SPON1: variants seen among roughly 807,000 people sequenced by gnomAD.
SPON1 encodes spondin-1.
A neutral mutation model predicts 111.7 loss-of-function variants in SPON1; 52 were observed. That is an observed-to-expected ratio of 0.47 (90% CI 0.37 to 0.59). The LOEUF (loss-of-function observed/expected upper bound fraction) is 0.59. Among genes scored for constraint, SPON1 ranks in the 20% least tolerant of loss-of-function variants. The pLI is 0.00. For missense variants in SPON1, 957 were observed against 1,068.5 expected, an observed-to-expected ratio of 0.90 and a Z score of 1.46; for synonymous variants, 410 against 395.8, an observed-to-expected ratio of 1.04 and a Z score of -0.43.
At chr11:14,175,420 G>C (rs573118468) in intron 6 of SPON1, among the ~76,000 whole-genome samples, 77 of 152,262 alleles carry the variant, frequency 5.1e-4, no homozygotes, top group African/African-American at 1.8e-3. Flanking sequence ...CCATAGCAAA[G>C]TTTGTAACTG....
At chr11:14,050,656 C>T (rs1355296492) in intron 3 of SPON1, among the ~76,000 whole-genome samples, 1 of 149,178 alleles carries the variant, frequency 6.7e-6, no homozygotes, top group Non-Finnish European at 1.5e-5. Flanking sequence ...TCCCAGGGAT[C>T]AAGAGTGAAG....
chr11:13,989,660 C>T (rs1050247349), intron 2 of SPON1, among the ~76,000 whole-genome samples: 1 of 152,108 alleles, frequency 6.6e-6, no homozygotes, highest in African/African-American at 2.4e-5. Context: ...TTAGATCTTT[C>T]CTGCTTTCTC....
intron 5 of SPON1, among the ~76,000 whole-genome samples, chr11:14,090,201 A>G (rs1299644859): frequency 7.9e-4 from 3 of 3,802 alleles, no homozygotes; most frequent in Admixed American, 6.9e-3. Flanking sequence ...TAGGGTATGA[A>G]AAAAAAAAAA....
At chr11:14,232,974 C>T (rs1200232514) in intron 6 of SPON1, among the ~76,000 whole-genome samples, 1 of 152,028 alleles carries the variant, frequency 6.6e-6, no homozygotes, top group Non-Finnish European at 1.5e-5. Flanking sequence ...AGGCCCTGGG[C>T]AGGTCCTGGT....
intron 6 of SPON1, among the ~76,000 whole-genome samples, chr11:14,178,952 T>C (rs975118664): frequency 3.9e-5 from 6 of 152,230 alleles, no homozygotes; most frequent in African/African-American, 1.4e-4. Flanking sequence ...ATGACTTGAA[T>C]CACTGAGAAG....
intron 6 of SPON1, among the ~76,000 whole-genome samples, chr11:14,155,624 A>T (rs1205742337): frequency 1.3e-5 from 2 of 151,244 alleles, no homozygotes; most frequent in African/African-American, 4.9e-5. Context: ...AGCATTAGGT[A>T]TATCTCCTAA....
chr11:14,219,291 C>A (rs1186654973), intron 6 of SPON1, among the ~76,000 whole-genome samples: 1 of 152,194 alleles, frequency 6.6e-6, no homozygotes, highest in Non-Finnish European at 1.5e-5. Context: ...GGAATTCATC[C>A]TTTGCTGGAA....
At chr11:14,071,485 A>ATG (rs1380151431) in intron 3 of SPON1, among the ~76,000 whole-genome samples, 1 of 152,044 alleles carries the variant, frequency 6.6e-6, no homozygotes, top group East Asian at 1.9e-4. Flanking sequence ...CAGAGTTACA[A>ATG]TGCCCTATGT....
At chr11:14,153,532 A>G (rs1358402448) in intron 6 of SPON1, among the ~76,000 whole-genome samples, 1 of 152,138 alleles carries the variant, frequency 6.6e-6, no homozygotes, top group Non-Finnish European at 1.5e-5. Context: ...AAGTCCACCC[A>G]ATGATTCAAT....
At chr11:14,105,180 T>G (rs560045352) in intron 5 of SPON1, among the ~76,000 whole-genome samples, 2 of 152,264 alleles carry the variant, frequency 1.3e-5, no homozygotes, top group African/African-American at 4.8e-5. Context: ...AATGTTTTAT[T>G]CTTTGTTTGC....
At chr11:14,094,238 C>T (rs1223985992) in intron 5 of SPON1, among the ~76,000 whole-genome samples, 2 of 150,862 alleles carry the variant, frequency 1.3e-5, no homozygotes, top group Non-Finnish European at 2.9e-5. Flanking sequence ...CCACACAACG[C>T]TTGGTACTTA....
chr11:13,988,800 G>A (rs1848205208), intron 2 of SPON1, among the ~76,000 whole-genome samples: 2 of 152,182 alleles, frequency 1.3e-5, no homozygotes, highest in Admixed American at 1.3e-4. Context: ...TATCTATTGA[G>A]ATAATCTTGT....
chr11:14,185,652 A>G (rs1554934017), intron 6 of SPON1, among the ~76,000 whole-genome samples: 3 of 152,244 alleles, frequency 2.0e-5, no homozygotes, highest in Non-Finnish European at 4.4e-5. Flanking sequence ...TTAATGATCA[A>G]TCCCTCCAAA....
chr11:14,212,532 G>T (rs1234597409), intron 6 of SPON1, among the ~76,000 whole-genome samples: 1 of 151,922 alleles, frequency 6.6e-6, no homozygotes, highest in Non-Finnish European at 1.5e-5. Flanking sequence ...TCTCATCCAG[G>T]TTCCACCACT....
intron 6 of SPON1, among the ~76,000 whole-genome samples, chr11:14,185,667 G>C (rs1178354123): frequency 2.0e-5 from 3 of 152,208 alleles, no homozygotes; most frequent in Non-Finnish European, 4.4e-5. Context: ...TCCAAAACAG[G>C]GCATTAGGAA....
chr11:14,162,393 A>G (rs1363750652), intron 6 of SPON1, among the ~76,000 whole-genome samples: 1 of 152,164 alleles, frequency 6.6e-6, no homozygotes, highest in African/African-American at 2.4e-5. Context: ...AAAAATTAAT[A>G]CATGGATATG....
intron 2 of SPON1, among the ~76,000 whole-genome samples, chr11:14,003,822 C>G (rs1554912760): frequency 6.6e-6 from 1 of 152,076 alleles, no homozygotes; most frequent in African/African-American, 2.4e-5. Context: ...ATCTACTTAA[C>G]CAAAATCCGT....
intron 6 of SPON1, among the ~76,000 whole-genome samples, chr11:14,233,604 C>T (rs1452040258): frequency 1.3e-5 from 2 of 152,100 alleles, no homozygotes; most frequent in Non-Finnish European, 2.9e-5. Context: ...TAAATATTCC[C>T]TGCATACCTC....
At chr11:14,077,928 G>C (rs1848931320) in intron 4 of SPON1, among the ~76,000 whole-genome samples, 1 of 152,080 alleles carries the variant, frequency 6.6e-6, no homozygotes, top group Admixed American at 6.5e-5. Context: ...AAGGGAAGAG[G>C]AACAAAGAAT....
Sources: gnomAD v4.1 joint callset for allele counts (sites outside exome capture counted in the v4.1 genomes callset) on GRCh38, gnomAD v4.1.1 for gene constraint, MANE v1.5 for transcripts, NCBI Gene and HGNC (gene_info 2026-07-23, HGNC 2026-07-21) for gene names.